Variants in USP24 observed in about 807,000 individuals in gnomAD.
USP24 encodes the protein ubiquitin carboxyl-terminal hydrolase 24.
Under a neutral mutation model 361.6 loss-of-function variants are expected in USP24, and 97 were observed. The observed-to-expected ratio is 0.27, with a 90% CI of 0.23 to 0.32. The LOEUF is 0.32. Ranked by LOEUF, USP24 falls within the 10% of genes least tolerant of loss-of-function variation. The pLI is 1.00. For missense variants in USP24, 2,353 were observed against 3,165.6 expected (o/e 0.74, Z 6.16); for synonymous variants, 1,098 against 1,124.6 (o/e 0.98, Z 0.47).
At chr1:55,164,558 C>T (rs1648628231) in intron 7 of USP24, among the ~76,000 whole-genome samples, 1 of 152,066 alleles carries the variant, frequency 6.6e-6, no homozygotes, top group Admixed American at 6.6e-5. Context: ...AAGTCCACAC[C>T]TTTGGAATCT....
chr1:55,121,589 A>C, intron 36 of USP24, 83 bp from the exon 37 acceptor site: 1 of 1,144,592 alleles, frequency 8.7e-7, no homozygotes, highest in Non-Finnish European at 1.3e-6. Flanking sequence ...TCTTAAGCTC[A>C]ACTTAAGCAT....
At chr1:55,145,904 T>C (rs1192755702) in intron 20 of USP24, 94 bp downstream of exon 20, 4 of 853,954 alleles carry the variant, frequency 4.7e-6, no homozygotes, top group East Asian at 2.5e-5. Context: ...CCTAACTGTT[T>C]AGTTGCTTCT....
chr1:55,108,820 G>A (rs1002158943), intron 39 of USP24, among the ~76,000 whole-genome samples: 2 of 152,186 alleles, frequency 1.3e-5, no homozygotes, highest in Non-Finnish European at 2.9e-5. Context: ...TTCCCTGGGA[G>A]CCTGGGTGAA....
chr1:55,109,892 G>A lies in USP24; in HGVS notation c.4570+293C>T, dbSNP rs190116600. On this transcript the variant is annotated intron_variant, in intron 39 of 67. Transcript: ENST00000294383. ...CTTTAAAATTATAACAGACTACACCGGAGAGAAAGACCCTTCACAATAGTT... is the reference window on the plus strand; with the variant it reads ...CTTTAAAATTATAACAGACTACACCAGAGAGAAAGACCCTTCACAATAGTT... 3.8e-3 allele frequency among the ~76,000 whole-genome samples: 576 copies of A among 152,168 alleles called. 2 individuals carry two copies. The highest frequency in any genetic ancestry group is 0.013 in the African/African-American group (540 of 41,514).
At position 55,142,802 on chromosome 1, in the gene USP24, G is replaced by C; in HGVS notation, c.2581-7C>G. 6.5e-7 allele frequency: 1 copy of C among 1,529,372 alleles called. No homozygotes were observed. The highest frequency in any genetic ancestry group is 8.9e-7 in the Non-Finnish European group (1 of 1,129,530). 94.7% of individuals were successfully genotyped at this position (1,529,372 alleles called of 1,614,324 possible). On this transcript the variant is annotated splice_polypyrimidine_tract_variant and splice_region_variant and intron_variant, in intron 22 of 67. Transcript: ENST00000294383. ...TATGTAAAGATACTGAATCCTGAAAGAGTATATGGAAATTACAATTAGTCC... is the reference window on the plus strand; with the variant it reads ...TATGTAAAGATACTGAATCCTGAAACAGTATATGGAAATTACAATTAGTCC...
chr1:55,096,751 GT>G, intron 49 of USP24, 129 bp from the exon 50 acceptor site: 1 of 1,405,682 alleles, frequency 7.1e-7, no homozygotes, highest in Non-Finnish European at 9.6e-7. Context: ...TAAGAAATAT[GT>G]AGCAACAATT....
chr1:55,164,759 C>T (rs1482885247), intron 7 of USP24, among the ~76,000 whole-genome samples: 1 of 151,578 alleles, frequency 6.6e-6, no homozygotes, highest in African/African-American at 2.4e-5. Context: ...CTATCCTGAG[C>T]CAATTTTCAT....
chr1:55,166,601 C>T lies in USP24; in HGVS notation c.828G>A (p.Glu276=), dbSNP rs1468205871. ...AVSPVSTFQK[E]PHGWVVDLVN... ...CCAAATCCACAACCCATCCATGAGG[C>T]TCCTATGAGAAAAGAAAAACAAAAT... The change falls in exon 6 of 68, where the codon GAG becomes GAA. Residue 276 remains glutamate, a splice_region_variant and synonymous_variant. Coordinates refer to ENST00000294383, the MANE Select transcript of USP24 (RefSeq NM_015306.3). The T allele has an allele frequency of 1.3e-6, 2 of 1,591,910 alleles. No individual in the cohort carries two copies. Among genetic ancestry groups the T allele is most frequent in the Non-Finnish European group, 1.7e-6 (2 of 1,168,626 alleles).
At chr1:55,097,855 G>A in intron 47 of USP24, 88 bp downstream of exon 47, 2 of 1,520,152 alleles carry the variant, frequency 1.3e-6, no homozygotes, top group Admixed American at 2.2e-5. Flanking sequence ...AATAACAGTA[G>A]GAGCTTAATA....
rs1342489978 is a variant in USP24 at position 55,148,516 on chromosome 1, G to A, written c.1915C>T (p.Leu639Phe). Residue 639 changes from leucine (L) to phenylalanine (F), a missense_variant, in exon 17 of 68, where the codon CTC (leucine) becomes TTC (phenylalanine). Coordinates refer to ENST00000294383, the MANE Select transcript of USP24 (RefSeq NM_015306.3). Reference protein sequence around the residue: ...FVWVVPALRQLHEITRSFIKQ... With the variant: ...FVWVVPALRQFHEITRSFIKQ... ...ATGAATGAGCGAGTAATTTCATGGA[G>A]CTGACGCAAAGCTGGTACCACCCAT... The A allele has an allele frequency of 6.3e-7, 1 of 1,597,292 alleles. No individual in the cohort carries two copies. Among genetic ancestry groups the A allele is most frequent in the South Asian group, 1.1e-5 (1 of 87,936 alleles).
intron 3 of USP24, 99 bp from the exon 4 acceptor site, chr1:55,172,619 A>G: frequency 7.6e-7 from 1 of 1,309,996 alleles, no homozygotes; most frequent in East Asian, 2.5e-5. Context: ...GATTATGATG[A>G]AAATACTTTT....
Position 55,081,335 on chromosome 1 carries a change from G to C in USP24, c.7065C>G (p.Ser2355=), listed in dbSNP as rs1346776740. 1 of 1,613,258 alleles carries C rather than the reference G, an allele frequency of 6.2e-7. No homozygotes were observed. The highest frequency in any genetic ancestry group is 8.5e-7 in the Non-Finnish European group (1 of 1,179,524). Residue 2355 remains serine (S), a synonymous_variant, in exon 59 of 68, where the codon TCC becomes TCG. Transcript: ENST00000294383. ...TGTTAAGCTTACCAACATTCCTTTG[G>C]GATGAGACATCTGAATGCAAAACAA... ...ALLVLHSDVS[S]QRNVAPGIFK... is the part of the protein sequence containing the mutation.
At chr1:55,104,762 G>C (rs1645727841) in intron 41 of USP24, among the ~76,000 whole-genome samples, 1 of 152,180 alleles carries the variant, frequency 6.6e-6, no homozygotes, top group African/African-American at 2.4e-5. Context: ...TTTTAGACCA[G>C]CACGACACCA....
chr1:55,119,019 C>T (rs1200681339), intron 38 of USP24, among the ~76,000 whole-genome samples: 2 of 152,146 alleles, frequency 1.3e-5, no homozygotes, highest in Non-Finnish European at 2.9e-5. Context: ...GGTGGTTCCA[C>T]AAAGAAATCA....
rs1646223438 is a variant in USP24 at position 55,119,671 on chromosome 1, T to C, written c.4508+925A>G. ...CCCTTTTTAACTTGGCTGTTGGTCT[T>C]TTGCTTAATAATTTATAATAGTTAT... is the stretch of plus-strand genomic sequence containing the variant. On this transcript the variant is annotated intron_variant, in intron 38 of 67. Transcript: ENST00000294383. Among the ~76,000 whole-genome samples the C allele has an allele frequency of 3.3e-5, 5 of 152,154 alleles. No homozygotes were observed. In the South Asian group the frequency reaches 1.0e-3, roughly 32 times the overall value.
chr1:55,093,005 T>C (rs1645415977), intron 52 of USP24, 89 bp from the exon 53 acceptor site: 5 of 781,848 alleles, frequency 6.4e-6, no homozygotes, highest in Admixed American at 7.7e-5. Flanking sequence ...AAAATATAGG[T>C]AAAAAGCACT....
chr1:55,118,169 C>G (rs1007127671), intron 38 of USP24, among the ~76,000 whole-genome samples: 3 of 152,078 alleles, frequency 2.0e-5, no homozygotes, highest in African/African-American at 7.2e-5. Context: ...CCAAATCAAT[C>G]CTGAAAAAGA....
At chr1:55,125,292 A>T in intron 34 of USP24, 28 bp downstream of exon 34, 1 of 1,601,808 alleles carries the variant, frequency 6.2e-7, no homozygotes, top group Non-Finnish European at 8.6e-7. Context: ...AGAGGGACTA[A>T]AATGTCTTGA....
chr1:55,193,985 T>G (rs1482750044), intron 1 of USP24, among the ~76,000 whole-genome samples: 1 of 152,128 alleles, frequency 6.6e-6, no homozygotes, highest in Non-Finnish European at 1.5e-5. Flanking sequence ...TTCCAATTCC[T>G]CCTAAAATTG....
Sources: gnomAD v4.1 joint callset for allele counts (sites outside exome capture counted in the v4.1 genomes callset) on GRCh38, gnomAD v4.1.1 for gene constraint, MANE v1.5 for transcripts, NCBI Gene and HGNC (gene_info 2026-07-23, HGNC 2026-07-21) for gene names.